OR8A1: variants seen among roughly 807,000 people sequenced by gnomAD.
The protein encoded by OR8A1 is olfactory receptor 8A1.
OR8A1 carries 5 observed loss-of-function variants against 13.4 expected under a neutral mutation model. That is an observed-to-expected ratio of 0.37 (90% CI 0.19 to 0.78). OR8A1 has a LOEUF of 0.78. Among genes scored for constraint, OR8A1 ranks in the 30% least tolerant of loss-of-function variants. OR8A1 has a pLI of 0.47. For missense variants in OR8A1, 354 were observed against 374.8 expected, an observed-to-expected ratio of 0.94 and a Z score of 0.46; for synonymous variants, 156 against 150.4, an observed-to-expected ratio of 1.04 and a Z score of -0.27.
Position 124,570,242 on chromosome 11 carries a change from G to A in OR8A1, c.123G>A (p.Gly41=), listed in dbSNP as rs1311630341. 5.0e-6 allele frequency: 8 copies of A among 1,613,888 alleles called. No homozygotes were observed. Among genetic ancestry groups the A allele is most frequent in the East Asian group, 2.2e-5 (1 of 44,872 alleles). The change falls in exon 1 of 1, where the codon GGG becomes GGA. Residue 41 remains glycine, a synonymous_variant. Transcript: ENST00000284287. ...FLGIYLVTIV[G]NLGMITLICL... is the part of the protein sequence containing the mutation. Reference sequence around the variant, plus strand: ...GGATCTACTTGGTCACCATCGTGGGGAACCTGGGCATGATCACTCTAATTT... The same window carrying A: ...GGATCTACTTGGTCACCATCGTGGGAAACCTGGGCATGATCACTCTAATTT...
rs1372865739 is a variant in OR8A1, at chr11:124,570,698, T to G, written c.579T>G (p.Asp193Glu). ...LMKLSCSSTY[D>E]VEMTVFFSAG... ...AGCTGTCCTGCTCTAGCACCTATGA[T>G]GTTGAGATGACAGTCTTCTTTTCGG... is the stretch of plus-strand genomic sequence containing the variant. Residue 193 changes from aspartate to glutamate, a missense_variant, in exon 1 of 1, where the codon GAT (aspartate) becomes GAG (glutamate). By Grantham distance (45) the Asp-to-Glu change is conservative. Coordinates refer to ENST00000284287, the MANE Select transcript of OR8A1 (RefSeq NM_001005194.2). 6.2e-7 allele frequency: 1 copy of G among 1,614,122 alleles called. No individual in the cohort carries two copies. Among genetic ancestry groups the G allele is most frequent in the Non-Finnish European group, 8.5e-7 (1 of 1,180,012 alleles).
In OR8A1 at chr11:124,570,200, C is replaced by T; in HGVS notation, c.81C>T (p.Leu27=). ...AGAGAGCAGACCTCCAGCTCCCCCT[C>T]TTTCTCCTCTTCCTCGGGATCTACT... is the stretch of plus-strand genomic sequence containing the variant. ...LTKRADLQLP[L]FLLFLGIYLV... Residue 27 remains leucine (L), a synonymous_variant, in exon 1 of 1, where the codon CTC becomes CTT. Coordinates refer to ENST00000284287, the MANE Select transcript of OR8A1 (RefSeq NM_001005194.2). 6.2e-7 allele frequency: 1 copy of T among 1,614,090 alleles called. No homozygotes were observed. The highest frequency in any genetic ancestry group is 8.5e-7 in the Non-Finnish European group (1 of 1,180,008).
In OR8A1 at chr11:124,571,072, C is replaced by A; in HGVS notation, c.*23C>A. ...TGATGCAAATGTTATTGTTCCTTTT[C>A]AATTTAGTGGTAATTGTTATAAATA... is the stretch of plus-strand genomic sequence containing the variant. On this transcript the variant is annotated 3_prime_UTR_variant, in exon 1 of 1. Transcript: ENST00000284287. 6.3e-7 allele frequency: 1 copy of A among 1,583,716 alleles called. No individual in the cohort carries two copies. Among genetic ancestry groups the A allele is most frequent in the South Asian group, 1.2e-5 (1 of 85,638 alleles).
chr11:124,571,173 G>A lies in OR8A1; in HGVS notation c.*124G>A. 2.4e-6 allele frequency: 2 copies of A among 850,532 alleles called. No homozygotes were observed. Among genetic ancestry groups the A allele is most frequent in the Non-Finnish European group, 3.5e-6 (2 of 569,016 alleles). The allele number at this position is 850,532 out of a possible 1,614,324, so 52.7% of individuals were successfully genotyped here. A position where few individuals can be genotyped will look rare whatever the true frequency, so the allele number is the denominator to read the frequency against. On this transcript the variant is annotated 3_prime_UTR_variant, in exon 1 of 1. Coordinates refer to ENST00000284287, the MANE Select transcript of OR8A1 (RefSeq NM_001005194.2). The stretch of plus-strand genomic sequence containing the variant: ...CTTCTCCACATGGCTGGGTGAATGG[G>A]CATTTTTCCTTCTTTCCTCTTCCTT...
rs749174440 is a variant in OR8A1, at chr11:124,570,204, C to G, written c.85C>G (p.Leu29Val). 4 of 1,614,050 alleles carry G rather than the reference C, an allele frequency of 2.5e-6. No homozygotes were observed. In the Admixed American group the frequency reaches 6.7e-5, roughly 27 times the overall value. Reference sequence around the variant, plus strand: ...AGCAGACCTCCAGCTCCCCCTCTTTCTCCTCTTCCTCGGGATCTACTTGGT... The same window carrying G: ...AGCAGACCTCCAGCTCCCCCTCTTTGTCCTCTTCCTCGGGATCTACTTGGT... ...KRADLQLPLF[L>V]LFLGIYLVTI... Residue 29 changes from leucine to valine, a missense_variant, in exon 1 of 1, where the codon CTC becomes GTC. Leu to Val is a conservative substitution (Grantham distance 32, BLOSUM62 1). Coordinates refer to ENST00000284287, the MANE Select transcript of OR8A1 (RefSeq NM_001005194.2).
chr11:124,570,588 A>G lies in OR8A1; in HGVS notation c.469A>G (p.Thr157Ala), dbSNP rs558446483. ...VVYAIGLIGS[T>A]IETGLMLKLP... ...CTACGCCATCGGACTCATTGGCTCCACAATAGAAACTGGCCTCATGTTAAA... is the reference window on the plus strand; with the variant it reads ...CTACGCCATCGGACTCATTGGCTCCGCAATAGAAACTGGCCTCATGTTAAA... Residue 157 changes from threonine (T) to alanine (A), a missense_variant, in exon 1 of 1, where the codon ACA becomes GCA. Physicochemically the swap from Thr to Ala is moderately conservative, Grantham distance 58. Transcript: ENST00000284287. 6 of 1,614,102 alleles carry G rather than the reference A, an allele frequency of 3.7e-6. No homozygotes were observed. In the South Asian group the frequency reaches 4.4e-5, roughly 12 times the overall value.
chr11:124,571,227 C>T lies in OR8A1; in HGVS notation c.*178C>T. On this transcript the variant is annotated 3_prime_UTR_variant, in exon 1 of 1. Transcript: ENST00000284287. ...TCTTCCTTTCCTCTTCCTTCCTCTT[C>T]CTTCCTTCCTCTTCTTTCCTCTTCC... 2 of 586,520 alleles carry T rather than the reference C, an allele frequency of 3.4e-6. No homozygotes were observed. The highest frequency in any genetic ancestry group is 5.9e-6 in the Non-Finnish European group (2 of 340,396). The allele number at this position is 586,520 out of a possible 1,614,324, so 36.3% of individuals were successfully genotyped here.
Position 124,570,799 on chromosome 11 carries a change from T to A in OR8A1, c.680T>A (p.Ile227Asn), listed in dbSNP as rs1289880353. ...TTCATTCTCTCCAGCATCCTCGGCA[T>A]CAGCACCACAGAGGGGAGATCCAAA... ...YTFILSSILG[I>N]STTEGRSKAF... The change falls in exon 1 of 1, where the codon ATC becomes AAC. Residue 227 changes from isoleucine (I) to asparagine (N), a missense_variant. Physicochemically the swap from Ile to Asn is moderately radical, Grantham distance 149. Coordinates refer to ENST00000284287, the MANE Select transcript of OR8A1 (RefSeq NM_001005194.2). 2 of 1,614,132 alleles carry A rather than the reference T, an allele frequency of 1.2e-6. No homozygotes were observed. The highest frequency in any genetic ancestry group is 2.2e-5 in the East Asian group (1 of 44,878).
Position 124,570,644 on chromosome 11 carries a change from C to A in OR8A1, c.525C>A (p.His175Gln), listed in dbSNP as rs1862668977. 2 of 1,614,002 alleles carry A rather than the reference C, an allele frequency of 1.2e-6. No homozygotes were observed. Among genetic ancestry groups the A allele is most frequent in the African/African-American group, 1.3e-5 (1 of 74,906 alleles). Residue 175 changes from histidine to glutamine, a missense_variant, in exon 1 of 1, where the codon CAC (histidine) becomes CAA (glutamine). Transcript: ENST00000284287. ...KLPYCEHLISHYFCDILPLMK... is the reference protein window; with the variant it reads ...KLPYCEHLISQYFCDILPLMK... ...CCTATTGTGAGCACCTCATCAGTCA[C>A]TACTTCTGTGACATCCTCCCTCTCA... is the stretch of plus-strand genomic sequence containing the variant.
chr11:124,570,277 C>T lies in OR8A1; in HGVS notation c.158C>T (p.Ser53Phe). Reference protein sequence around the residue: ...LGMITLICLNSQLHTPMYYFL... With the variant: ...LGMITLICLNFQLHTPMYYFL... Reference sequence around the variant, plus strand: ...ATGATCACTCTAATTTGTCTGAACTCTCAGCTGCACACCCCCATGTACTAC... The same window carrying T: ...ATGATCACTCTAATTTGTCTGAACTTTCAGCTGCACACCCCCATGTACTAC... Residue 53 changes from serine to phenylalanine, a missense_variant, in exon 1 of 1, where the codon TCT (serine) becomes TTT (phenylalanine). Coordinates refer to ENST00000284287, the MANE Select transcript of OR8A1 (RefSeq NM_001005194.2). 1.2e-6 allele frequency: 2 copies of T among 1,614,072 alleles called. No homozygotes were observed. Among genetic ancestry groups the T allele is most frequent in the East Asian group, 2.2e-5 (1 of 44,868 alleles).
Position 124,570,504 on chromosome 11 carries a change from C to G in OR8A1, c.385C>G (p.Pro129Ala), listed in dbSNP as rs146894544. The G allele has an allele frequency of 3.0e-5, 49 of 1,614,094 alleles. No individual in the cohort carries two copies. In the African/African-American group the frequency reaches 5.9e-4, roughly 19 times the overall value. ...AYDRYVAICH[P>A]LLYNIIMSHH... is the part of the protein sequence containing the mutation. The stretch of plus-strand genomic sequence containing the variant: ...CGACCGCTATGTTGCCATCTGCCAC[C>G]CTTTGCTTTACAACATCATTATGTC... The change falls in exon 1 of 1, where the codon CCT becomes GCT. Residue 129 changes from proline to alanine, a missense_variant. Pro to Ala is a conservative substitution (Grantham distance 27). Coordinates refer to ENST00000284287, the MANE Select transcript of OR8A1 (RefSeq NM_001005194.2).
Position 124,570,943 on chromosome 11 carries a change from T to C in OR8A1, c.824T>C (p.Val275Ala), listed in dbSNP as rs1394585216. The C allele has an allele frequency of 1.9e-6, 3 of 1,614,004 alleles. No homozygotes were observed. Among genetic ancestry groups the C allele is most frequent in the Admixed American group, 3.3e-5 (2 of 59,982 alleles). The change falls in exon 1 of 1, where the codon GTG (valine) becomes GCG (alanine). Residue 275 changes from valine to alanine, a missense_variant. Physicochemically the swap from Val to Ala is moderately conservative, Grantham distance 64 (BLOSUM62 0). Coordinates refer to ENST00000284287, the MANE Select transcript of OR8A1 (RefSeq NM_001005194.2). ...TTGACCCAGGAGAATGTGGCCTCTG[T>C]GTTCTACACCACGGTAATCCCCATG... The part of the protein sequence containing the change: ...SSLTQENVAS[V>A]FYTTVIPMLN...
chr11:124,570,603 C>T lies in OR8A1; in HGVS notation c.484C>T (p.Leu162Phe). The T allele has an allele frequency of 6.2e-7, 1 of 1,614,084 alleles. No homozygotes were observed. Among genetic ancestry groups the T allele is most frequent in the Non-Finnish European group, 8.5e-7 (1 of 1,180,016 alleles). The change falls in exon 1 of 1, where the codon CTC becomes TTC. Residue 162 changes from leucine (L) to phenylalanine (F), a missense_variant. Leu to Phe is a conservative substitution (Grantham distance 22). Transcript: ENST00000284287. The stretch of plus-strand genomic sequence containing the variant: ...CATTGGCTCCACAATAGAAACTGGC[C>T]TCATGTTAAAACTGCCCTATTGTGA... ...GLIGSTIETGLMLKLPYCEHL... is the reference protein window; with the variant it reads ...GLIGSTIETGFMLKLPYCEHL...
chr11:124,570,594 G>T lies in OR8A1; in HGVS notation c.475G>T (p.Glu159Ter). ...CATCGGACTCATTGGCTCCACAATA[G>T]AAACTGGCCTCATGTTAAAACTGCC... Reference protein sequence around the residue: ...YAIGLIGSTIETGLMLKLPYC... With the variant: ...YAIGLIGSTI Residue 159 changes from glutamate to a stop codon, truncating the protein, a stop_gained, in exon 1 of 1, where the codon GAA (glutamate) becomes TAA (stop). Coordinates refer to ENST00000284287, the MANE Select transcript of OR8A1 (RefSeq NM_001005194.2). LOFTEE classifies it high-confidence loss of function. 1 of 1,614,068 alleles carries T rather than the reference G, an allele frequency of 6.2e-7. No individual in the cohort carries two copies. The highest frequency in any genetic ancestry group is 1.3e-5 in the African/African-American group (1 of 75,020).
rs767102827 is a variant in OR8A1, at chr11:124,570,249, G to C, written c.130G>C (p.Gly44Arg). 4.6e-5 allele frequency: 75 copies of C among 1,613,782 alleles called. No individual in the cohort carries two copies. The highest frequency in any genetic ancestry group is 8.5e-7 in the Non-Finnish European group (1 of 1,179,990). ...CTTGGTCACCATCGTGGGGAACCTG[G>C]GCATGATCACTCTAATTTGTCTGAA... ...IYLVTIVGNL[G>R]MITLICLNSQ... Residue 44 changes from glycine to arginine, a missense_variant, in exon 1 of 1, where the codon GGC becomes CGC. Coordinates refer to ENST00000284287, the MANE Select transcript of OR8A1 (RefSeq NM_001005194.2).
Position 124,571,343 on chromosome 11 carries a change from C to A in OR8A1, c.*294C>A, listed in dbSNP as rs1862682843. The A allele has an allele frequency of 1.4e-5, 5 of 352,584 alleles. No individual in the cohort carries two copies. Among genetic ancestry groups the A allele is most frequent in the Non-Finnish European group, 2.6e-5 (5 of 194,878 alleles). The allele number at this position is 352,584 out of a possible 1,614,324, so 21.8% of individuals were successfully genotyped here. A position where few individuals can be genotyped will look rare whatever the true frequency, so the allele number is the denominator to read the frequency against. On this transcript the variant is annotated 3_prime_UTR_variant, in exon 1 of 1. Coordinates refer to ENST00000284287, the MANE Select transcript of OR8A1 (RefSeq NM_001005194.2). ...TGAGATCCATCCCTCTACCCCAAGC[C>A]CTTTAATAAATGTTTCCTATCTTAA... is the stretch of plus-strand genomic sequence containing the variant.
At position 124,570,147 on chromosome 11, in the gene OR8A1, A is replaced by G. The variant is rs7927196; in HGVS notation, c.28A>G (p.Thr10Ala). 3,168 of 1,613,866 alleles carry G rather than the reference A, an allele frequency of 2.0e-3. 39 individuals carry two copies. The African/African-American group carries it at 0.032, about 16-fold the overall frequency. MAAGNHSTV[T>A]EFILKGLTKR... is the part of the protein sequence containing the mutation. ...GGCTGCAGGAAATCACTCTACAGTG[A>G]CAGAGTTCATTCTCAAGGGTTTAAC... Residue 10 changes from threonine to alanine, a missense_variant, in exon 1 of 1, where the codon ACA (threonine) becomes GCA (alanine). Thr to Ala is a moderately conservative substitution (Grantham distance 58). Coordinates refer to ENST00000284287, the MANE Select transcript of OR8A1 (RefSeq NM_001005194.2).
rs1033825183 is a variant in OR8A1, at chr11:124,570,085, CCATG to C, written c.-31_-28del. 2 of 1,611,768 alleles carry C rather than the reference CCATG, an allele frequency of 1.2e-6. No homozygotes were observed. Among genetic ancestry groups the C allele is most frequent in the Non-Finnish European group, 1.7e-6 (2 of 1,178,880 alleles). ...AGCCTTTTAATGGGGTTCTTGTCTC[CCATG>C]CATCCCTGCAGGCCTCCCACCCAGA... is the stretch of plus-strand genomic sequence containing the variant. On this transcript the variant is annotated 5_prime_UTR_variant, in exon 1 of 1. The change abolishes an upstream ATG in the 5' untranslated region. Transcript: ENST00000284287.
Position 124,570,716 on chromosome 11 carries a change from C to G in OR8A1, c.597C>G (p.Phe199Leu), listed in dbSNP as rs748901626. 2.2e-5 allele frequency: 35 copies of G among 1,613,944 alleles called. No homozygotes were observed. The highest frequency in any genetic ancestry group is 1.3e-4 in the Admixed American group (8 of 59,970). ...CCTATGATGTTGAGATGACAGTCTT[C>G]TTTTCGGCTGGATTCAACATCATAG... is the stretch of plus-strand genomic sequence containing the variant. ...SSTYDVEMTV[F>L]FSAGFNIIVT... Residue 199 changes from phenylalanine to leucine, a missense_variant, in exon 1 of 1, where the codon TTC becomes TTG. Coordinates refer to ENST00000284287, the MANE Select transcript of OR8A1 (RefSeq NM_001005194.2).
Sources: allele counts gnomAD v4.1 joint callset, GRCh38; gene constraint gnomAD v4.1.1; transcripts MANE v1.5; gene names NCBI Gene and HGNC (gene_info 2026-07-23, HGNC 2026-07-21).